NCOR1: variants seen among roughly 807,000 people sequenced by gnomAD.
NCOR1 encodes protein phosphatase 1, regulatory subunit 109.
Under a neutral mutation model 288.1 loss-of-function variants are expected in NCOR1, and 63 were observed. The observed-to-expected ratio is 0.22, with a 90% CI of 0.18 to 0.27. The LOEUF (loss-of-function observed/expected upper bound fraction) is 0.27. NCOR1 is among the 10% of genes least tolerant of loss of function. NCOR1 has a pLI of 1.00. For missense variants in NCOR1, 2,397 were observed against 3,019.2 expected (o/e 0.79, Z 4.83); for synonymous variants, 1,007 against 1,065.9 (o/e 0.94, Z 1.08).
intron 4 of NCOR1, among the ~76,000 whole-genome samples, chr17:16,169,585 A>G (rs1466537848): frequency 6.6e-6 from 1 of 152,046 alleles, no homozygotes; most frequent in East Asian, 1.9e-4. Context: ...ACTTTAGGGG[A>G]AAAAAAGCAG....
intron 20 of NCOR1, among the ~76,000 whole-genome samples, chr17:16,100,510 G>A (rs563795597): frequency 2.0e-5 from 3 of 152,132 alleles, no homozygotes; most frequent in South Asian, 2.1e-4. Context: ...GCATGGTGGC[G>A]TGTGCCTGTA....
intron 14 of NCOR1, among the ~76,000 whole-genome samples, chr17:16,136,105 A>C (rs1454229634): frequency 6.6e-6 from 1 of 152,214 alleles, no homozygotes; most frequent in East Asian, 1.9e-4. Flanking sequence ...GGGGAAAATC[A>C]TTTTGAAATT....
At chr17:16,141,620 C>G (rs2077170366) in intron 11 of NCOR1, among the ~76,000 whole-genome samples, 1 of 152,108 alleles carries the variant, frequency 6.6e-6, no homozygotes, top group South Asian at 2.1e-4. Flanking sequence ...CATATATCAA[C>G]ACAAAGACAA....
At chr17:16,164,831 A>C (rs2081673905) in intron 5 of NCOR1, 148 bp downstream of exon 5, 1 of 537,996 alleles carries the variant, frequency 1.9e-6, no homozygotes, top group Non-Finnish European at 3.2e-6. Flanking sequence ...AATGTAAGAA[A>C]ACCACAACAG....
At chr17:16,079,373 A>G (rs1176059137) in intron 26 of NCOR1, among the ~76,000 whole-genome samples, 1 of 152,234 alleles carries the variant, frequency 6.6e-6, no homozygotes, top group Non-Finnish European at 1.5e-5. Flanking sequence ...TGATTTCCCA[A>G]AACAGAATTT....
At chr17:16,093,668 T>C (rs2065812436) in intron 21 of NCOR1, among the ~76,000 whole-genome samples, 1 of 152,206 alleles carries the variant, frequency 6.6e-6, no homozygotes, top group Admixed American at 6.5e-5. Flanking sequence ...TATTATTCAC[T>C]GATCCTAAAA....
intron 2 of NCOR1, among the ~76,000 whole-genome samples, chr17:16,193,159 T>C (rs959983208): frequency 2.0e-5 from 3 of 152,212 alleles, no homozygotes; most frequent in Admixed American, 2.0e-4. Flanking sequence ...TCAAAATTTG[T>C]TACAATGTAC....
intron 2 of NCOR1, among the ~76,000 whole-genome samples, chr17:16,190,797 A>C (rs1232715832): frequency 6.6e-6 from 1 of 152,234 alleles, no homozygotes; most frequent in Non-Finnish European, 1.5e-5. Context: ...AAAAAATTCA[A>C]AGAAATGTAG....
At chr17:16,181,940 CT>C (rs960101453) in intron 3 of NCOR1, among the ~76,000 whole-genome samples, 14 of 150,296 alleles carry the variant, frequency 9.3e-5, no homozygotes, top group Admixed American at 4.6e-4. Flanking sequence ...GGGTAACAAA[CT>C]TTTTTTTTTC....
chr17:16,038,976 G>A (rs1379349880), intron 44 of NCOR1, among the ~76,000 whole-genome samples: 1 of 152,118 alleles, frequency 6.6e-6, no homozygotes, highest in Admixed American at 6.5e-5. Context: ...TCACCATGTT[G>A]GCCAGGATGG....
At chr17:16,071,835 A>T (rs1269759022) in intron 29 of NCOR1, among the ~76,000 whole-genome samples, 170 bp from the exon 30 acceptor site, 1 of 152,230 alleles carries the variant, frequency 6.6e-6, no homozygotes, top group East Asian at 1.9e-4. Context: ...TTCTGTTTAC[A>T]GTAGATCCTC....
At chr17:16,181,020 A>G (rs2085296349) in intron 3 of NCOR1, among the ~76,000 whole-genome samples, 1 of 152,078 alleles carries the variant, frequency 6.6e-6, no homozygotes, top group South Asian at 2.1e-4. Flanking sequence ...GTAGCTGGGC[A>G]TGGTGGCACA....
intron 2 of NCOR1, chr17:16,192,231 A>G (rs1178813107): frequency 6.6e-6 from 1 of 151,036 alleles, no homozygotes; most frequent in Non-Finnish European, 1.5e-5. Context: ...TAACCAGAGG[A>G]GACCAGACAC....
chr17:16,141,013 G>GAAAAAAAAAAAAAAAAAAAAAAAAA (rs75591454), intron 11 of NCOR1, among the ~76,000 whole-genome samples: 12 of 142,360 alleles, frequency 8.4e-5, no homozygotes, highest in African/African-American at 2.7e-4. Context: ...AAAAAAAAAG[G>GAAAAAAAAAAAAAAAAAAAAAAAAA]AAAATTCACT....
At position 16,031,739 on chromosome 17, in the gene NCOR1, T is replaced by C. The variant is rs1475305420; in HGVS notation, c.*557A>G. On this transcript the variant is annotated 3_prime_UTR_variant, in exon 46 of 46. Coordinates refer to ENST00000268712, the MANE Select transcript of NCOR1 (RefSeq NM_006311.4). Reference sequence around the variant, plus strand: ...AAACATTTTCACAAGATTTTAAACATCACTGGAAAGCTGAATTTAGAGGAA... The same window carrying C: ...AAACATTTTCACAAGATTTTAAACACCACTGGAAAGCTGAATTTAGAGGAA... The C allele has an allele frequency of 4.4e-6, 1 of 229,658 alleles. No homozygotes were observed. The highest frequency in any genetic ancestry group is 8.6e-6 in the Non-Finnish European group (1 of 115,958). 14.2% of individuals were successfully genotyped at this position (229,658 alleles called of 1,614,324 possible). A position where few individuals can be genotyped will look rare whatever the true frequency, so the allele number is the denominator to read the frequency against.
intron 3 of NCOR1, among the ~76,000 whole-genome samples, chr17:16,177,153 C>G (rs774459335): frequency 3.3e-5 from 5 of 151,944 alleles, no homozygotes; most frequent in Admixed American, 6.6e-5. Flanking sequence ...TACTTTATTC[C>G]TTTTCTTTCT....
intron 3 of NCOR1, among the ~76,000 whole-genome samples, chr17:16,176,652 G>C (rs1019025883): frequency 6.6e-6 from 1 of 151,944 alleles, no homozygotes; most frequent in African/African-American, 2.4e-5. Flanking sequence ...AAACTGTCTG[G>C]TATAATATTC....
intron 28 of NCOR1, among the ~76,000 whole-genome samples, chr17:16,072,547 G>A (rs927475389): frequency 6.6e-6 from 1 of 152,170 alleles, no homozygotes; most frequent in Non-Finnish European, 1.5e-5. Context: ...CCATTGCTTA[G>A]CTTTGAAATA....
intron 43 of NCOR1, 141 bp from the exon 44 acceptor site, chr17:16,039,795 CCTTT>C: frequency 2.7e-6 from 2 of 739,820 alleles, no homozygotes; most frequent in Middle Eastern, 3.6e-4. Flanking sequence ...CACACAGAGA[CCTTT>C]TTTTTTGGAG....
Sources: allele counts gnomAD v4.1 joint callset (sites outside exome capture counted in the v4.1 genomes callset), GRCh38; gene constraint gnomAD v4.1.1; transcripts MANE v1.5; gene names NCBI Gene and HGNC (gene_info 2026-07-23, HGNC 2026-07-21).